Variants in TRIM11 observed in about 807,000 individuals in gnomAD.
The protein encoded by TRIM11 is E3 ubiquitin-protein ligase TRIM11.
Under a neutral mutation model 33.4 loss-of-function variants are expected in TRIM11, and 15 were observed. That is an observed-to-expected ratio of 0.45 (90% CI 0.30 to 0.69). TRIM11 has a LOEUF of 0.69. TRIM11 is among the 30% of genes least tolerant of loss of function. TRIM11 has a pLI of 0.08. For synonymous variants in TRIM11, 281 were observed against 302.6 expected (o/e 0.93, Z 0.74); for missense variants, 499 against 667.6 (o/e 0.75, Z 2.78).
rs2074955094 is a variant in TRIM11 at position 228,393,940 on chromosome 1, T to A, written c.*765A>T. ...GGGTCCTGAGGGGCCACTGGAGACCTAGGAAGCCTTTGCAAGGGCAAAACC... is the reference window on the plus strand; with the variant it reads ...GGGTCCTGAGGGGCCACTGGAGACCAAGGAAGCCTTTGCAAGGGCAAAACC... On this transcript the variant is annotated 3_prime_UTR_variant, in exon 6 of 6. Transcript: ENST00000284551. The A allele has an allele frequency of 6.6e-6, 1 of 152,188 alleles. No individual in the cohort carries two copies. The allele number at this position is 152,188 out of a possible 1,614,324, so 9.4% of individuals were successfully genotyped here. A position where few individuals can be genotyped will look rare whatever the true frequency, so the allele number is the denominator to read the frequency against.
In TRIM11 at chr1:228,395,325, A is replaced by G. The variant is rs2074974734; in HGVS notation, c.860-73T>C. On this transcript the variant is annotated intron_variant, in intron 5 of 5. Coordinates refer to ENST00000284551, the MANE Select transcript of TRIM11 (RefSeq NM_145214.3). This position sits in a 1 kb window ranked among gnomAD's most constrained non-coding sequence, Gnocchi z 4.8. Reference sequence around the variant, plus strand: ...GGGGCCATCTGCCCATGTCCTGGGCATGTAGGTACAATCCTCCCAGTCGGA... The same window carrying G: ...GGGGCCATCTGCCCATGTCCTGGGCGTGTAGGTACAATCCTCCCAGTCGGA... 2.2e-6 allele frequency: 3 copies of G among 1,381,828 alleles called. No individual in the cohort carries two copies. Among genetic ancestry groups the G allele is most frequent in the South Asian group, 3.7e-5 (2 of 54,296 alleles). 85.6% of individuals were successfully genotyped at this position (1,381,828 alleles called of 1,614,324 possible).
In TRIM11 at chr1:228,406,381, G is replaced by A; in HGVS notation, c.181C>T (p.Pro61Ser). The A allele has an allele frequency of 2.0e-6, 3 of 1,534,386 alleles. No homozygotes were observed. Among genetic ancestry groups the A allele is most frequent in the Non-Finnish European group, 2.6e-6 (3 of 1,144,854 alleles). The change falls in exon 1 of 6, where the codon CCG (proline) becomes TCG (serine). Residue 61 changes from proline to serine, a missense_variant. Physicochemically the swap from Pro to Ser is moderately conservative, Grantham distance 74. Transcript: ENST00000284551. The surrounding 1 kb of genome is among the most constrained non-coding windows in gnomAD (Gnocchi z 8.2). The part of the protein sequence containing the change: ...YACPECRELS[P>S]QRNLRPNRPL... ...CGGTTGGGCCGCAGGTTCCTCTGCG[G>A]GGACAGCTCGCGGCACTCGGGGCAC... is the stretch of plus-strand genomic sequence containing the variant.
Position 228,395,060 on chromosome 1 carries a change from C to A in TRIM11, c.1052G>T (p.Arg351Leu), listed in dbSNP as rs752779667. ...GCACACCCCCAGGGCCCAGCTGGTG[C>A]GGTCCCCAACCTCCACCTCCCAGTA... is the stretch of plus-strand genomic sequence containing the variant. ...RHYWEVEVGD[R>L]TSWALGVCRE... Residue 351 changes from arginine to leucine, a missense_variant, in exon 6 of 6, where the codon CGC (arginine) becomes CTC (leucine). Coordinates refer to ENST00000284551, the MANE Select transcript of TRIM11 (RefSeq NM_145214.3). The surrounding 1 kb of genome is among the most constrained non-coding windows in gnomAD (Gnocchi z 4.8). 6.2e-7 allele frequency: 1 copy of A among 1,610,960 alleles called. No individual in the cohort carries two copies. Among genetic ancestry groups the A allele is most frequent in the East Asian group, 2.2e-5 (1 of 44,844 alleles).
chr1:228,405,066 ACT>A (rs1464260473), intron 1 of TRIM11: 7 of 152,194 alleles, frequency 4.6e-5, no homozygotes, highest in African/African-American at 1.7e-4. Context: ...GCTATTGGGC[ACT>A]CTCTGCACCC....
rs1252000606 is a variant in TRIM11 at position 228,401,491 on chromosome 1, G to A, written c.505-297C>T. On this transcript the variant is annotated intron_variant, in intron 2 of 5. Coordinates refer to ENST00000284551, the MANE Select transcript of TRIM11 (RefSeq NM_145214.3). The surrounding 1 kb of genome is among the most constrained non-coding windows in gnomAD (Gnocchi z 6.1). ...AGACCCCAAATCTAAACCCAGGGCC[G>A]ACTAGATCCCAAATCCACTATCTAG... is the stretch of plus-strand genomic sequence containing the variant. Among the ~76,000 whole-genome samples, 1 of 151,952 alleles carries A rather than the reference G, an allele frequency of 6.6e-6. No homozygotes were observed. Among genetic ancestry groups the A allele is most frequent in the African/African-American group, 2.4e-5 (1 of 41,354 alleles).
Position 228,401,343 on chromosome 1 carries a change from T to A in TRIM11, c.505-149A>T. On this transcript the variant is annotated intron_variant, in intron 2 of 5. Transcript: ENST00000284551. The surrounding 1 kb of genome is among the most constrained non-coding windows in gnomAD (Gnocchi z 6.1). ...TAAAGCCAAAGCACAGCACCAGGTG[T>A]GGCAGGACCCCAAACCCACCACCTG... The A allele has an allele frequency of 9.8e-7, 1 of 1,024,504 alleles. No individual in the cohort carries two copies. Among genetic ancestry groups the A allele is most frequent in the Admixed American group, 2.9e-5 (1 of 35,030 alleles). The allele number at this position is 1,024,504 out of a possible 1,614,324, so 63.5% of individuals were successfully genotyped here. A position where few individuals can be genotyped will look rare whatever the true frequency, so the allele number is the denominator to read the frequency against.
Position 228,406,203 on chromosome 1 carries a change from TG to T in TRIM11, c.358del (p.His120ThrfsTer99). 6.8e-7 allele frequency: 1 copy of T among 1,467,426 alleles called. No individual in the cohort carries two copies. Among genetic ancestry groups the T allele is most frequent in the South Asian group, 1.3e-5 (1 of 76,398 alleles). The allele number at this position is 1,467,426 out of a possible 1,614,324, so 90.9% of individuals were successfully genotyped here. A position where few individuals can be genotyped will look rare whatever the true frequency, so the allele number is the denominator to read the frequency against. On this transcript the variant is annotated frameshift_variant, in exon 1 of 6. Coordinates refer to ENST00000284551, the MANE Select transcript of TRIM11 (RefSeq NM_145214.3). LOFTEE classifies it high-confidence loss of function. The surrounding 1 kb of genome is among the most constrained non-coding windows in gnomAD (Gnocchi z 8.2). ...CAGCGGCCGCACGCGGTGCGCCCAGTGCTCCCCAGAGCGCTCGCAGGCCGCA... is the reference window on the plus strand; with the variant it reads ...CAGCGGCCGCACGCGGTGCGCCCAGTCTCCCCAGAGCGCTCGCAGGCCGCA... Reference protein sequence around the residue: ...LCAACERSGEHWAHRVRPLQD... With the variant: ...LCAACERSGEXWAHRVRPLQD...
rs568329070 is a variant in TRIM11, at chr1:228,402,113, C to A, written c.457G>T (p.Ala153Ser). Reference sequence around the variant, plus strand: ...TCCGCCTGGGCTTGGAACAGCAACGCATCCTGCATCTGCTTCCGGAGATGC... The same window carrying A: ...TCCGCCTGGGCTTGGAACAGCAACGAATCCTGCATCTGCTTCCGGAGATGC... The part of the protein sequence containing the change: ...LEHLRKQMQD[A>S]LLFQAQADET... Residue 153 changes from alanine to serine, a missense_variant, in exon 2 of 6, where the codon GCG (alanine) becomes TCG (serine). Transcript: ENST00000284551. The A allele has an allele frequency of 6.2e-7, 1 of 1,613,456 alleles. No homozygotes were observed. The highest frequency in any genetic ancestry group is 1.3e-5 in the African/African-American group (1 of 75,038).
rs369625900 is a variant in TRIM11 at position 228,396,918 on chromosome 1, A to T, written c.859+29T>A. 8 of 1,608,352 alleles carry T rather than the reference A, an allele frequency of 5.0e-6. No individual in the cohort carries two copies. In the African/African-American group the frequency reaches 1.1e-4, roughly 22 times the overall value. On this transcript the variant is annotated intron_variant, in intron 5 of 5. Transcript: ENST00000284551. Reference sequence around the variant, plus strand: ...CCTTGGCAGGTCCCCTCCTGGAGTCATCTCCCCACCTGGGGCCTCCACACC... The same window carrying T: ...CCTTGGCAGGTCCCCTCCTGGAGTCTTCTCCCCACCTGGGGCCTCCACACC...
intron 1 of TRIM11, chr1:228,404,914 T>C (rs1338147493): frequency 2.0e-5 from 3 of 152,254 alleles, no homozygotes; most frequent in Non-Finnish European, 4.4e-5. Flanking sequence ...TGATTTTTTT[T>C]CCTGTTAATT....
intron 3 of TRIM11, among the ~76,000 whole-genome samples, chr1:228,399,911 AC>A (rs1171861662): frequency 1.1e-4 from 17 of 151,958 alleles, no homozygotes; most frequent in East Asian, 3.9e-4. Flanking sequence ...AAAACAAAAA[AC>A]AAAAAAACAG....
chr1:228,396,866 A>G, intron 5 of TRIM11, 81 bp downstream of exon 5: 1 of 1,335,896 alleles, frequency 7.5e-7, no homozygotes, highest in Non-Finnish European at 1.1e-6. Context: ...GTGGCAGGGC[A>G]CAGAACACGT....
At chr1:228,397,112 GC>G (rs753082552) in intron 4 of TRIM11, 30 bp downstream of exon 4, 22 of 1,613,494 alleles carry the variant, frequency 1.4e-5, no homozygotes, top group South Asian at 1.2e-4. Context: ...ACTCCCTCCT[GC>G]CCCCCCTCCA....
chr1:228,397,230 C>G, intron 3 of TRIM11, 65 bp from the exon 4 acceptor site: 1 of 1,564,050 alleles, frequency 6.4e-7, no homozygotes, highest in South Asian at 1.1e-5. Context: ...GGAGTCCCCT[C>G]CCCGCCCCTG....
chr1:228,404,979 G>A (rs965321226), intron 1 of TRIM11: 2 of 152,178 alleles, frequency 1.3e-5, no homozygotes, highest in African/African-American at 2.4e-5. Flanking sequence ...ACAGGGTAGA[G>A]GGAAATTTTT....
In TRIM11 at chr1:228,401,008, C is replaced by T. The variant is rs760378839; in HGVS notation, c.691G>A (p.Glu231Lys). Residue 231 changes from glutamate (E) to lysine (K), a missense_variant, in exon 3 of 6, where the codon GAG (glutamate) becomes AAG (lysine). Coordinates refer to ENST00000284551, the MANE Select transcript of TRIM11 (RefSeq NM_145214.3). The surrounding 1 kb of genome is among the most constrained non-coding windows in gnomAD (Gnocchi z 6.1). ...GGCAGCTGGCAGCGGCCCTCGAGCT[C>T]GGCGATGAGCTCAGCTAGGTGGGCG... ...QSAHLAELIA[E>K]LEGRCQLPAL... is the part of the protein sequence containing the mutation. The T allele has an allele frequency of 5.6e-6, 9 of 1,602,524 alleles. No individual in the cohort carries two copies. The highest frequency in any genetic ancestry group is 5.4e-5 in the African/African-American group (4 of 74,628).
At chr1:228,397,833 A>G (rs1212828626) in intron 3 of TRIM11, 1 of 152,268 alleles carries the variant, frequency 6.6e-6, no homozygotes, top group Admixed American at 6.5e-5. Context: ...GCAATCCAAA[A>G]TAACTTGAGT....
chr1:228,395,049 C>T lies in TRIM11; in HGVS notation c.1063G>A (p.Ala355Thr). 6.2e-7 allele frequency: 1 copy of T among 1,612,960 alleles called. No homozygotes were observed. The stretch of plus-strand genomic sequence containing the variant: ...ACGTTCTCCCTGCACACCCCCAGGG[C>T]CCAGCTGGTGCGGTCCCCAACCTCC... Reference protein sequence around the residue: ...EVEVGDRTSWALGVCRENVNR... With the variant: ...EVEVGDRTSWTLGVCRENVNR... The change falls in exon 6 of 6, where the codon GCC becomes ACC. Residue 355 changes from alanine (A) to threonine (T), a missense_variant. Ala to Thr is a moderately conservative substitution (Grantham distance 58). Transcript: ENST00000284551. The surrounding 1 kb of genome is among the most constrained non-coding windows in gnomAD (Gnocchi z 4.8).
intron 1 of TRIM11, chr1:228,405,620 T>C (rs1025028465): frequency 6.6e-6 from 1 of 152,284 alleles, no homozygotes; most frequent in African/African-American, 2.4e-5. Flanking sequence ...CACCCAGAAA[T>C]GCAGGGCAGC....
Sources: gnomAD v4.1 joint callset for allele counts (sites outside exome capture counted in the v4.1 genomes callset) on GRCh38, gnomAD v4.1.1 for gene constraint, Gnocchi (gnomAD v3.1) non-coding constraint, MANE v1.5 for transcripts, NCBI Gene and HGNC (gene_info 2026-07-23, HGNC 2026-07-21) for gene names.